The following FDFT1 variants were observed in gnomAD, a reference collection of about 807,000 sequenced individuals.
FDFT1 encodes squalene synthase.
In FDFT1, 68 loss-of-function variants were observed where a neutral mutation model predicts 46.8. That is an observed-to-expected ratio of 1.45 (90% CI 1.19 to 1.78). The LOEUF (loss-of-function observed/expected upper bound fraction) is 1.78, where lower values mean the gene tolerates loss of function less well. Ranked by LOEUF, FDFT1 falls within the 40% of genes most tolerant of loss-of-function variation. FDFT1 has a pLI of 0.00. For synonymous variants in FDFT1, 351 were observed against 185.1 expected (o/e 1.90, Z -7.28); for missense variants, 928 against 524.4 (o/e 1.77, Z -7.52).
At position 11,803,314 on chromosome 8, in the gene FDFT1, C is replaced by T. The variant is rs1225448433; in HGVS notation, c.99+383C>T. ...TGAGTTTTTTGGTAAGCGGAATGAA[C>T]TATGCAGATAACATCACATGAAGGC... is the stretch of plus-strand genomic sequence containing the variant. On this transcript the variant is annotated intron_variant, in intron 1 of 7. Transcript: ENST00000220584. 4.3e-5 allele frequency: 56 copies of T among 1,300,644 alleles called. 3 individuals carry two copies. In the South Asian group the frequency reaches 4.8e-4, roughly 11 times the overall value. 80.6% of individuals were successfully genotyped at this position (1,300,644 alleles called of 1,614,324 possible). A position where few individuals can be genotyped will look rare whatever the true frequency, so the allele number is the denominator to read the frequency against.
chr8:11,810,960 G>T (rs913974229), intron 3 of FDFT1, among the ~76,000 whole-genome samples: 1 of 113,586 alleles, frequency 8.8e-6, no homozygotes, highest in Non-Finnish European at 1.9e-5. Flanking sequence ...AAAAAAAAAG[G>T]AATGTTTGGG....
intron 5 of FDFT1, among the ~76,000 whole-genome samples, chr8:11,829,997 G>A (rs532359796): frequency 6.6e-6 from 1 of 152,180 alleles, no homozygotes; most frequent in African/African-American, 2.4e-5. Context: ...ACAGGCGCCT[G>A]CCACCGTACC....
chr8:11,825,062 C>G (rs1377274836), intron 4 of FDFT1, among the ~76,000 whole-genome samples: 1 of 152,142 alleles, frequency 6.6e-6, no homozygotes, highest in Non-Finnish European at 1.5e-5. Context: ...AAAACCGTGT[C>G]AAGAACATAA....
chr8:11,838,131 C>G (rs989246844), intron 7 of FDFT1, among the ~76,000 whole-genome samples: 2 of 152,156 alleles, frequency 1.3e-5, no homozygotes, highest in Non-Finnish European at 2.9e-5. Flanking sequence ...AGCCGCTGCT[C>G]TCGAGGGCCT....
At chr8:11,810,178 T>A (rs1807504688) in intron 3 of FDFT1, among the ~76,000 whole-genome samples, 1 of 151,770 alleles carries the variant, frequency 6.6e-6, no homozygotes, top group South Asian at 2.1e-4. Flanking sequence ...CTTAGAATGT[T>A]AGCTACTGCT....
At chr8:11,820,750 C>G (rs1269088208) in intron 3 of FDFT1, among the ~76,000 whole-genome samples, 2 of 152,210 alleles carry the variant, frequency 1.3e-5, no homozygotes, top group African/African-American at 4.8e-5. Flanking sequence ...GCAGAGTATA[C>G]TGTTCCTCCA....
chr8:11,802,780 C>A lies in FDFT1; in HGVS notation c.-53C>A, dbSNP rs569959428. 1 of 1,441,814 alleles carries A rather than the reference C, an allele frequency of 6.9e-7. No homozygotes were observed. The highest frequency in any genetic ancestry group is 9.6e-7 in the Non-Finnish European group (1 of 1,039,406). 89.3% of individuals were successfully genotyped at this position (1,441,814 alleles called of 1,614,324 possible). ...ACAGGTCCAGCCGGCCGGTGAGCGCCTGGGGACCGCAGAGGTGAGAGTCGC... is the reference window on the plus strand; with the variant it reads ...ACAGGTCCAGCCGGCCGGTGAGCGCATGGGGACCGCAGAGGTGAGAGTCGC... On this transcript the variant is annotated 5_prime_UTR_variant, in exon 1 of 8. It adds an upstream start codon to the 5' untranslated region. Coordinates refer to ENST00000220584, the MANE Select transcript of FDFT1 (RefSeq NM_004462.5).
chr8:11,834,585 C>G (rs560028637), intron 7 of FDFT1, among the ~76,000 whole-genome samples: 1 of 151,460 alleles, frequency 6.6e-6, no homozygotes. Flanking sequence ...ATCCAGCCCC[C>G]ACCCAAACGT....
At chr8:11,833,695 T>A (rs915763799) in intron 7 of FDFT1, among the ~76,000 whole-genome samples, 2 of 152,210 alleles carry the variant, frequency 1.3e-5, no homozygotes, top group Non-Finnish European at 2.9e-5. Flanking sequence ...CATTTGCTTC[T>A]TTGTCTTCTG....
chr8:11,804,930 G>T (rs113063644), intron 1 of FDFT1, among the ~76,000 whole-genome samples: 30 of 147,072 alleles, frequency 2.0e-4, no homozygotes, highest in Admixed American at 1.1e-3. Context: ...TTTTTTGAGG[G>T]GGGGGTCTCA....
chr8:11,812,206 C>G lies in FDFT1; in HGVS notation c.381+2356C>G, dbSNP rs138550251. ...TGCTTGTTCAGCTCTCGTGGGCTCT[C>G]CTTCTGTACCACGTTCTGGACATCT... is the stretch of plus-strand genomic sequence containing the variant. On this transcript the variant is annotated intron_variant, in intron 3 of 7. Transcript: ENST00000220584. 3.7e-3 allele frequency among the ~76,000 whole-genome samples: 561 copies of G among 152,322 alleles called. 14 individuals carry two copies. Among genetic ancestry groups the G allele is most frequent in the Non-Finnish European group, 2.0e-3 (134 of 68,028 alleles).
At position 11,838,798 on chromosome 8, in the gene FDFT1, A is replaced by G; in HGVS notation, c.*189A>G. ...TAAACATGAAAGGAAAGGGTGCCTCATCCCAGCAACCTGTCCTTGTGGGTG... is the reference window on the plus strand; with the variant it reads ...TAAACATGAAAGGAAAGGGTGCCTCGTCCCAGCAACCTGTCCTTGTGGGTG... On this transcript the variant is annotated 3_prime_UTR_variant, in exon 8 of 8. Transcript: ENST00000220584. The G allele has an allele frequency of 3.3e-6, 2 of 598,596 alleles. No individual in the cohort carries two copies. The highest frequency in any genetic ancestry group is 3.8e-5 in the South Asian group (2 of 52,138). 37.1% of individuals were successfully genotyped at this position (598,596 alleles called of 1,614,324 possible).
chr8:11,805,446 G>A (rs905317733), intron 1 of FDFT1, among the ~76,000 whole-genome samples: 21 of 152,222 alleles, frequency 1.4e-4, no homozygotes, highest in African/African-American at 4.8e-4. Context: ...TAATCAGGCA[G>A]ATCTGGCTCC....
At chr8:11,837,199 A>G (rs1586023522) in intron 7 of FDFT1, among the ~76,000 whole-genome samples, 1 of 152,350 alleles carries the variant, frequency 6.6e-6, no homozygotes, top group East Asian at 1.9e-4. Flanking sequence ...GCAGCATCGC[A>G]TGGGCGAAAC....
intron 3 of FDFT1, among the ~76,000 whole-genome samples, chr8:11,813,824 C>T (rs1306472918): frequency 6.6e-6 from 1 of 152,160 alleles, no homozygotes; most frequent in Non-Finnish European, 1.5e-5. Flanking sequence ...CCTCCTGGCT[C>T]AATTCACATG....
chr8:11,810,153 A>C (rs933179440), intron 3 of FDFT1, among the ~76,000 whole-genome samples: 1 of 152,210 alleles, frequency 6.6e-6, no homozygotes, highest in Admixed American at 6.5e-5. Flanking sequence ...TCAAAGAATT[A>C]ACGTAGGTAA....
At position 11,808,936 on chromosome 8, in the gene FDFT1, C is replaced by CG. The variant is rs750584790; in HGVS notation, c.197+48dup. 4.0e-5 allele frequency: 64 copies of CG among 1,595,340 alleles called. 1 individual carries two copies. In the South Asian group the frequency reaches 6.5e-4, roughly 16 times the overall value. On this transcript the variant is annotated intron_variant, in intron 2 of 7. Transcript: ENST00000220584. The stretch of plus-strand genomic sequence containing the variant: ...CCTCTGGCTTGGAGGAAAGCTTGTC[C>CG]GGGACCTTTGAGTGTGTTGGAAGCT...
At chr8:11,830,846 T>TC (rs1810677065) in intron 6 of FDFT1, among the ~76,000 whole-genome samples, 1 of 152,244 alleles carries the variant, frequency 6.6e-6, no homozygotes, top group Non-Finnish European at 1.5e-5. Flanking sequence ...AGACCTAGCC[T>TC]CTCAGTATGC....
chr8:11,815,546 T>G (rs57720356), intron 3 of FDFT1, among the ~76,000 whole-genome samples: 1 of 152,154 alleles, frequency 6.6e-6, no homozygotes, highest in Admixed American at 6.5e-5. Context: ...TTCCTGACTT[T>G]TTAAATGATC....
Sources: allele counts gnomAD v4.1 joint callset (sites outside exome capture counted in the v4.1 genomes callset), GRCh38; gene constraint gnomAD v4.1.1; transcripts MANE v1.5; gene names NCBI Gene and HGNC (gene_info 2026-07-23, HGNC 2026-07-21).